The following SLC43A2 variants were observed in gnomAD, a reference collection of about 807,000 sequenced individuals.
SLC43A2 encodes the protein solute carrier family 43 member 2, also known as large neutral amino acids transporter small subunit 4.
In SLC43A2, 38 loss-of-function variants were observed where a neutral mutation model predicts 63.2. The observed-to-expected ratio is 0.60, with a 90% CI of 0.46 to 0.79. SLC43A2 has a LOEUF of 0.79. SLC43A2 is among the 30% of genes least tolerant of loss of function. SLC43A2 has a pLI of 0.00. For missense variants in SLC43A2, 644 were observed against 756.2 expected (o/e 0.85, Z 1.74); for synonymous variants, 322 against 331.0 (o/e 0.97, Z 0.30).
intron 13 of SLC43A2, among the ~76,000 whole-genome samples, chr17:1,575,985 G>T (rs1235459792): frequency 1.3e-5 from 2 of 152,066 alleles, no homozygotes; most frequent in Non-Finnish European, 2.9e-5. Context: ...AACACGGGCT[G>T]ATCTGAACCT....
Position 1,574,696 on chromosome 17 carries a change from AG to A in SLC43A2, c.*907del, listed in dbSNP as rs1434594812. 3 of 152,326 alleles carry A rather than the reference AG, an allele frequency of 2.0e-5. No individual in the cohort carries two copies. Among genetic ancestry groups the A allele is most frequent in the African/African-American group, 7.2e-5 (3 of 41,470 alleles). 9.4% of individuals were successfully genotyped at this position (152,326 alleles called of 1,614,324 possible). ...GGCTCCTGGGCACTGGCCCAGCTGC[AG>A]GCCTGGCGGCTCCCGCCTGGTCAGT... On this transcript the variant is annotated 3_prime_UTR_variant, in exon 14 of 14. Coordinates refer to ENST00000301335, the MANE Select transcript of SLC43A2 (RefSeq NM_152346.3).
At chr17:1,594,027 C>T (rs372912967) in intron 5 of SLC43A2, among the ~76,000 whole-genome samples, 6 of 152,076 alleles carry the variant, frequency 3.9e-5, no homozygotes, top group South Asian at 2.1e-4. Context: ...TTAGTAGAGA[C>T]GGGGTTTCAC....
chr17:1,604,701 C>T (rs28376510), intron 5 of SLC43A2: 1 of 1,532,650 alleles, frequency 6.5e-7, no homozygotes, highest in South Asian at 1.2e-5. Context: ...TACATTCCTT[C>T]TGAAGCTCCT....
At chr17:1,592,151 A>G (rs1421378758) in intron 6 of SLC43A2, among the ~76,000 whole-genome samples, 1 of 150,530 alleles carries the variant, frequency 6.6e-6, no homozygotes, top group East Asian at 1.9e-4. Context: ...CAAGGAAGCC[A>G]GGCATGGTGG....
At chr17:1,594,840 G>A (rs921863704) in intron 5 of SLC43A2, among the ~76,000 whole-genome samples, 17 of 151,604 alleles carry the variant, frequency 1.1e-4, no homozygotes, top group African/African-American at 3.4e-4. Context: ...CGCCCGCCTT[G>A]GCCTCCCAAA....
At chr17:1,622,436 G>T (rs578169046) in intron 2 of SLC43A2, among the ~76,000 whole-genome samples, 1 of 152,074 alleles carries the variant, frequency 6.6e-6, no homozygotes, top group Non-Finnish European at 1.5e-5. Flanking sequence ...GTGGTGGCGG[G>T]CGCCTGCAGT....
chr17:1,624,243 C>T (rs976464251), intron 2 of SLC43A2, among the ~76,000 whole-genome samples: 8 of 152,162 alleles, frequency 5.3e-5, no homozygotes, highest in African/African-American at 1.7e-4. Flanking sequence ...TCAAGACCAG[C>T]CTGGGCAACA....
intron 9 of SLC43A2, among the ~76,000 whole-genome samples, chr17:1,589,916 G>A (rs1188864280): frequency 2.6e-5 from 4 of 152,162 alleles, no homozygotes; most frequent in Non-Finnish European, 5.9e-5. Context: ...ACCGTGCCTG[G>A]CCTAGACTAC....
In SLC43A2 at chr17:1,569,891, T is replaced by C. The variant is rs1178150596; in HGVS notation, c.*5713A>G. The C allele has an allele frequency of 7.0e-6, 1 of 142,766 alleles. No individual in the cohort carries two copies. Among genetic ancestry groups the C allele is most frequent in the African/African-American group, 2.6e-5 (1 of 38,406 alleles). The allele number at this position is 142,766 out of a possible 1,614,324, so 8.8% of individuals were successfully genotyped here. ...AGATACAGACCTTACTTTTTTTTTT[T>C]TTTTTTTTTTTTTTGAGACGGAGTC... On this transcript the variant is annotated 3_prime_UTR_variant, in exon 14 of 14. Transcript: ENST00000301335.
At chr17:1,584,658 T>C (rs1181004068) in intron 10 of SLC43A2, among the ~76,000 whole-genome samples, 3 of 28,828 alleles carry the variant, frequency 1.0e-4, no homozygotes, top group Non-Finnish European at 3.9e-4. Context: ...ACTAAAAATA[T>C]ATATTAAAAA....
intron 12 of SLC43A2, 144 bp from the exon 13 acceptor site, chr17:1,576,864 T>G (rs1279196916): frequency 1.5e-5 from 1 of 65,692 alleles, no homozygotes; most frequent in Non-Finnish European, 2.4e-5. Flanking sequence ...GGCAGTTCTG[T>G]TTTTTTTTTT....
At chr17:1,611,352 C>T (rs577236785) in intron 5 of SLC43A2, among the ~76,000 whole-genome samples, 7 of 152,074 alleles carry the variant, frequency 4.6e-5, no homozygotes, top group South Asian at 2.1e-4. Context: ...TGCTGGTTTT[C>T]GGCCGAGCGC....
chr17:1,625,597 G>A lies in SLC43A2; in HGVS notation c.160+2118C>T, dbSNP rs148466990. Among the ~76,000 whole-genome samples, 33 of 152,278 alleles carry A rather than the reference G, an allele frequency of 2.2e-4. 1 individual carries two copies. Among genetic ancestry groups the A allele is most frequent in the African/African-American group, 4.6e-4 (19 of 41,544 alleles). On this transcript the variant is annotated intron_variant, in intron 2 of 13. Transcript: ENST00000301335. ...AGGCACTCCCAGACGAGCCAAATGC[G>A]GGGATTTCTGGCCTGAAAGAAAACT...
intron 5 of SLC43A2, among the ~76,000 whole-genome samples, chr17:1,594,445 G>T (rs1157791833): frequency 6.6e-6 from 1 of 152,164 alleles, no homozygotes; most frequent in East Asian, 1.9e-4. Flanking sequence ...TCCACACCCA[G>T]CGTCCCTGGC....
At chr17:1,608,036 C>G (rs1906777362) in intron 5 of SLC43A2, among the ~76,000 whole-genome samples, 1 of 152,072 alleles carries the variant, frequency 6.6e-6, no homozygotes, top group Non-Finnish European at 1.5e-5. Flanking sequence ...ACCTTTTGGG[C>G]TTTACAAGCC....
At chr17:1,589,276 T>G (rs1904523641) in intron 9 of SLC43A2, among the ~76,000 whole-genome samples, 1 of 152,216 alleles carries the variant, frequency 6.6e-6, no homozygotes, top group Admixed American at 6.5e-5. Context: ...ACCAGCTCTC[T>G]CTGCACACTT....
chr17:1,629,355 C>A (rs1908984234), upstream of SLC43A2, among the ~76,000 whole-genome samples: 1 of 152,122 alleles, frequency 6.6e-6, no homozygotes, highest in Non-Finnish European at 1.5e-5. Context: ...CCGTCCCCGC[C>A]GCCTCGGGCT....
At chr17:1,609,676 G>A (rs1598480323) in intron 5 of SLC43A2, among the ~76,000 whole-genome samples, 1 of 152,016 alleles carries the variant, frequency 6.6e-6, no homozygotes, top group Non-Finnish European at 1.5e-5. Context: ...TCCATTAGTT[G>A]GAAACAGGTT....
At chr17:1,586,873 C>G in intron 9 of SLC43A2, 1 of 1,492,428 alleles carries the variant, frequency 6.7e-7, no homozygotes. Flanking sequence ...AGGTGAGGAG[C>G]TTCTGGGTTG....
Sources: allele counts gnomAD v4.1 joint callset (sites outside exome capture counted in the v4.1 genomes callset), GRCh38; gene constraint gnomAD v4.1.1; transcripts MANE v1.5; gene names NCBI Gene and HGNC (gene_info 2026-07-23, HGNC 2026-07-21).